CPNE4: variants seen among roughly 807,000 people sequenced by gnomAD.
CPNE4 encodes the protein copine-4.
Under a neutral mutation model 67.9 loss-of-function variants are expected in CPNE4, and 25 were observed. That is an observed-to-expected ratio of 0.37 (90% CI 0.27 to 0.51). CPNE4 has a LOEUF of 0.51. CPNE4 is among the 20% of genes least tolerant of loss of function. CPNE4 has a pLI of 0.93. For missense variants in CPNE4, 464 were observed against 690.8 expected (o/e 0.67, Z 3.68); for synonymous variants, 242 against 244.9 (o/e 0.99, Z 0.11).
At chr3:131,596,417 T>C (rs2107715328) in intron 7 of CPNE4, among the ~76,000 whole-genome samples, 1 of 116,992 alleles carries the variant, frequency 8.5e-6, no homozygotes, top group South Asian at 2.8e-4. Flanking sequence ...GGTCAGGAGA[T>C]CGAGACCATC....
chr3:131,754,082 C>T (rs2082695223), intron 2 of CPNE4, among the ~76,000 whole-genome samples: 1 of 152,022 alleles, frequency 6.6e-6, no homozygotes, highest in South Asian at 2.1e-4. Flanking sequence ...TTTATTATGC[C>T]ATGGGAGATT....
At chr3:131,671,458 C>CGTGTGTGTGT (rs1560088339) in intron 6 of CPNE4, among the ~76,000 whole-genome samples, 9 of 125,624 alleles carry the variant, frequency 7.2e-5, no homozygotes, top group East Asian at 2.3e-4. Context: ...TGAGTGTACA[C>CGTGTGTGTGT]ATGTGTGTGT....
At chr3:131,798,494 C>T (rs549589418) in intron 2 of CPNE4, among the ~76,000 whole-genome samples, 20 of 151,982 alleles carry the variant, frequency 1.3e-4, no homozygotes, top group African/African-American at 3.9e-4. Flanking sequence ...ATTACAAACA[C>T]AAAAAATGGT....
intron 2 of CPNE4, among the ~76,000 whole-genome samples, chr3:131,738,621 TTTTTTGTTTGTTCG>T (rs931169054): frequency 2.1e-5 from 2 of 93,236 alleles, no homozygotes; most frequent in African/African-American, 5.8e-5. Flanking sequence ...GTTTTGTGGG[TTTTTTGTTTGTTCG>T]TTTTTGTTTG....
At chr3:131,867,790 C>T (rs1428753301) in intron 2 of CPNE4, among the ~76,000 whole-genome samples, 1 of 152,066 alleles carries the variant, frequency 6.6e-6, no homozygotes, top group African/African-American at 2.4e-5. Context: ...CTCTTTTGAC[C>T]GCATTTCCTC....
intron 7 of CPNE4, 140 bp downstream of exon 7, chr3:131,669,535 T>G (rs777985522): frequency 9.8e-6 from 6 of 611,466 alleles, no homozygotes; most frequent in African/African-American, 3.8e-5. Context: ...CCCTTGTTTC[T>G]TCCATCGAGA....
chr3:131,764,962 T>A (rs1306917301), intron 2 of CPNE4, among the ~76,000 whole-genome samples: 1 of 152,060 alleles, frequency 6.6e-6, no homozygotes, highest in Non-Finnish European at 1.5e-5. Context: ...GTAGAATAGA[T>A]CTAAATCCAG....
At position 131,755,195 on chromosome 3, in the gene CPNE4, T is replaced by C. The variant is rs555986599; in HGVS notation, c.181-31570A>G. Among the ~76,000 whole-genome samples, 91 of 150,282 alleles carry C rather than the reference T, an allele frequency of 6.1e-4. No individual in the cohort carries two copies. In the Middle Eastern group the frequency reaches 0.01, roughly 17 times the overall value. On this transcript the variant is annotated intron_variant, in intron 2 of 15. Transcript: ENST00000429747. ...CTAACTACCTAATAAATGGAATAGG[T>C]AATTTTTTTTTTTTTTTGCTAGATA...
chr3:131,973,925 A>G (rs1394781655), intron 1 of CPNE4, among the ~76,000 whole-genome samples: 1 of 152,228 alleles, frequency 6.6e-6, no homozygotes, highest in African/African-American at 2.4e-5. Flanking sequence ...GTCAAGCCAC[A>G]AAGTCTGCAT....
chr3:131,986,881 CAAAG>C (rs1583563847), intron 1 of CPNE4, among the ~76,000 whole-genome samples: 1 of 94,918 alleles, frequency 1.1e-5, no homozygotes, highest in East Asian at 3.1e-4. Context: ...AAAAAAAAAA[CAAAG>C]AACTTAAGGA....
chr3:131,731,050 G>T (rs947555520), intron 2 of CPNE4, among the ~76,000 whole-genome samples: 1 of 152,104 alleles, frequency 6.6e-6, no homozygotes, highest in Admixed American at 6.5e-5. Flanking sequence ...AAATACTCCA[G>T]ATTAAACTGA....
chr3:131,620,614 C>A (rs983854405), intron 7 of CPNE4: 1 of 263,090 alleles, frequency 3.8e-6, no homozygotes. Context: ...TATTTTGAGA[C>A]AAGAATAGAA....
chr3:131,836,620 A>G (rs1198660127), intron 2 of CPNE4, among the ~76,000 whole-genome samples: 1 of 152,236 alleles, frequency 6.6e-6, no homozygotes, highest in Non-Finnish European at 1.5e-5. Flanking sequence ...AAAGAAATAT[A>G]GTTTGAAAAG....
chr3:131,552,412 A>G, intron 13 of CPNE4, 28 bp downstream of exon 13: 1 of 1,603,384 alleles, frequency 6.2e-7, no homozygotes, highest in Non-Finnish European at 8.5e-7. Flanking sequence ...GGACTGTGAC[A>G]CTGGCTTTCT....
intron 12 of CPNE4, among the ~76,000 whole-genome samples, chr3:131,553,282 G>A (rs1936283741): frequency 6.6e-6 from 1 of 152,072 alleles, no homozygotes; most frequent in African/African-American, 2.4e-5. Flanking sequence ...AGGTCACTGT[G>A]TTAAAAGACA....
At chr3:131,576,728 T>G (rs1937557325) in intron 9 of CPNE4, among the ~76,000 whole-genome samples, 1 of 152,040 alleles carries the variant, frequency 6.6e-6, no homozygotes, top group Admixed American at 6.6e-5. Context: ...CTGTGTGTTT[T>G]TTTTTCATAG....
At position 131,991,398 on chromosome 3, in the gene CPNE4, G is replaced by A. The variant is rs1267412476; in HGVS notation, c.-2+43169C>T. Among the ~76,000 whole-genome samples, 2 of 136,210 alleles carry A rather than the reference G, an allele frequency of 1.5e-5. 1 individual carries two copies. The highest frequency in any genetic ancestry group is 3.3e-5 in the Non-Finnish European group (2 of 59,984). 89.4% of individuals were successfully genotyped at this position (136,210 alleles called of 152,430 possible). A position where few individuals can be genotyped will look rare whatever the true frequency, so the allele number is the denominator to read the frequency against. ...GGACAATGAAATCCAGGCTAAGGTG[G>A]TCTAAAATGGAGATGAGGAACTGTT... On this transcript the variant is annotated intron_variant, in intron 1 of 15. Coordinates refer to ENST00000429747, the MANE Select transcript of CPNE4 (RefSeq NM_130808.3).
At chr3:131,863,986 T>G (rs186644408) in intron 2 of CPNE4, among the ~76,000 whole-genome samples, 11,529 of 151,896 alleles carry the variant, frequency 0.076, 554 homozygotes, top group East Asian at 0.17. Context: ...TTCTTGTTTT[T>G]GTCAGGTTTG....
At chr3:131,939,296 C>A (rs1870715) in intron 1 of CPNE4, among the ~76,000 whole-genome samples, 1 of 151,580 alleles carries the variant, frequency 6.6e-6, no homozygotes, top group Non-Finnish European at 1.5e-5. Context: ...AGAATAAGGA[C>A]GACAGTTTGT....
Sources: allele counts gnomAD v4.1 joint callset (sites outside exome capture counted in the v4.1 genomes callset), GRCh38; gene constraint gnomAD v4.1.1; transcripts MANE v1.5; gene names NCBI Gene and HGNC (gene_info 2026-07-23, HGNC 2026-07-21).